The following AGBL1 variants were observed in gnomAD, a reference collection of about 807,000 sequenced individuals.
AGBL1 encodes cytosolic carboxypeptidase 4.
AGBL1 carries 130 observed loss-of-function variants against 118.9 expected under a neutral mutation model. The observed-to-expected ratio is 1.09, with a 90% confidence interval of 0.95 to 1.26. The LOEUF is 1.26. Ranked by LOEUF, AGBL1 falls within the 50% of genes most tolerant of loss-of-function variation. The pLI is 0.00. For synonymous variants in AGBL1, 555 were observed against 478.9 expected, an observed-to-expected ratio of 1.16 and a Z score of -2.08; for missense variants, 1,584 against 1,298.1, an observed-to-expected ratio of 1.22 and a Z score of -3.38.
At chr15:86,638,450 T>C (rs925852492) in intron 21 of AGBL1, among the ~76,000 whole-genome samples, 1 of 152,184 alleles carries the variant, frequency 6.6e-6, no homozygotes, top group African/African-American at 2.4e-5. Flanking sequence ...TGCCATCATA[T>C]TATCACTCTA....
At chr15:86,173,094 G>T (rs548607094) in intron 5 of AGBL1, 1 of 151,916 alleles carries the variant, frequency 6.6e-6, no homozygotes, top group Admixed American at 6.6e-5. Flanking sequence ...GTGTTTTCTT[G>T]GTGATTCGTG....
chr15:86,602,388 G>T (rs2084510392), intron 21 of AGBL1, among the ~76,000 whole-genome samples: 1 of 152,162 alleles, frequency 6.6e-6, no homozygotes, highest in African/African-American at 2.4e-5. Context: ...CTGTGATGTT[G>T]TATGCTCACC....
chr15:86,597,929 A>T (rs2084434838), intron 21 of AGBL1, among the ~76,000 whole-genome samples: 2 of 152,152 alleles, frequency 1.3e-5, no homozygotes, highest in African/African-American at 4.8e-5. Flanking sequence ...GGGAACAAAG[A>T]TAAGAAAGTT....
chr15:86,181,130 C>T (rs932911425), intron 5 of AGBL1, among the ~76,000 whole-genome samples: 2 of 151,996 alleles, frequency 1.3e-5, no homozygotes, highest in Non-Finnish European at 2.9e-5. Flanking sequence ...AAACACACAC[C>T]TATCATATTG....
intron 22 of AGBL1, among the ~76,000 whole-genome samples, chr15:86,699,767 G>A (rs544872136): frequency 6.6e-6 from 1 of 151,976 alleles, no homozygotes; most frequent in African/African-American, 2.4e-5. Context: ...TACTTTGACC[G>A]CTTGTTTAAA....
At chr15:86,859,347 T>C (rs1341087681) in intron 22 of AGBL1, among the ~76,000 whole-genome samples, 1 of 152,180 alleles carries the variant, frequency 6.6e-6, no homozygotes, top group East Asian at 1.9e-4. Flanking sequence ...TGAGCATTAG[T>C]GTGCCAGGTG....
chr15:86,747,876 C>T (rs950273409), intron 22 of AGBL1, among the ~76,000 whole-genome samples: 9 of 152,260 alleles, frequency 5.9e-5, no homozygotes, highest in East Asian at 3.9e-4. Flanking sequence ...TCCAGTCTAT[C>T]GTTGATGGAC....
intron 21 of AGBL1, among the ~76,000 whole-genome samples, chr15:86,559,538 C>G (rs1228253804): frequency 6.6e-6 from 1 of 152,172 alleles, no homozygotes; most frequent in African/African-American, 2.4e-5. Context: ...TAAGGCTGCT[C>G]CAGTATTATA....
At chr15:86,314,952 G>T (rs2079978415) in intron 17 of AGBL1, among the ~76,000 whole-genome samples, 1 of 152,286 alleles carries the variant, frequency 6.6e-6, no homozygotes, top group South Asian at 2.1e-4. Context: ...GGCTTAAACT[G>T]TCTAAGCTTC....
chr15:86,119,053 C>T (rs1016356407), intron 1 of AGBL1, among the ~76,000 whole-genome samples: 1 of 152,078 alleles, frequency 6.6e-6, no homozygotes, highest in African/African-American at 2.4e-5. Flanking sequence ...ACATTTAAAC[C>T]CACAGGGTCC....
intron 17 of AGBL1, 105 bp from the exon 18 acceptor site, chr15:86,397,261 T>C: frequency 1.2e-6 from 1 of 804,322 alleles, no homozygotes; most frequent in Non-Finnish European, 1.8e-6. Flanking sequence ...AAATGTATTT[T>C]TAATAAAAAT....
chr15:86,764,748 G>T (rs772289522), intron 22 of AGBL1, among the ~76,000 whole-genome samples: 1 of 152,028 alleles, frequency 6.6e-6, no homozygotes, highest in Non-Finnish European at 1.5e-5. Context: ...GAAACAACAT[G>T]TCCAACTTAT....
intron 23 of AGBL1, among the ~76,000 whole-genome samples, chr15:86,958,706 T>C (rs1461942941): frequency 6.6e-6 from 1 of 152,106 alleles, no homozygotes; most frequent in African/African-American, 2.4e-5. Context: ...CTTAGAAAAA[T>C]TTCACAAATG....
chr15:86,884,813 A>AAAC (rs2079947298), intron 22 of AGBL1, among the ~76,000 whole-genome samples: 1 of 151,868 alleles, frequency 6.6e-6, no homozygotes, highest in African/African-American at 2.4e-5. Context: ...CCTTGTGTCA[A>AAAC]AAACAAACAA....
At chr15:86,365,667 C>A (rs1879169830) in intron 17 of AGBL1, among the ~76,000 whole-genome samples, 1 of 147,738 alleles carries the variant, frequency 6.8e-6, no homozygotes. Flanking sequence ...TTTTCTCACT[C>A]AAACCATTGA....
intron 21 of AGBL1, among the ~76,000 whole-genome samples, chr15:86,629,991 C>G (rs1199040978): frequency 6.6e-6 from 1 of 152,196 alleles, no homozygotes; most frequent in Non-Finnish European, 1.5e-5. Flanking sequence ...AAAGCAGATG[C>G]TTATTGCAAT....
At chr15:86,089,382 AC>A (rs1344199515) in intron 1 of AGBL1, among the ~76,000 whole-genome samples, 1 of 152,154 alleles carries the variant, frequency 6.6e-6, no homozygotes, top group Non-Finnish European at 1.5e-5. Flanking sequence ...TCTGGTCCTT[AC>A]TTGATTGGGA....
chr15:86,306,929 C>A (rs981226791), intron 17 of AGBL1, among the ~76,000 whole-genome samples: 15 of 152,208 alleles, frequency 9.9e-5, no homozygotes, highest in Non-Finnish European at 2.1e-4. Context: ...ATGTTGAGCA[C>A]CTTTTCATGT....
chr15:86,296,339 A>G (rs568622074), intron 17 of AGBL1: 6 of 152,366 alleles, frequency 3.9e-5, no homozygotes, highest in African/African-American at 1.4e-4. Flanking sequence ...TCCCCAGAAG[A>G]TACTGCCTTC....
Sources: allele counts gnomAD v4.1 joint callset (sites outside exome capture counted in the v4.1 genomes callset), GRCh38; gene constraint gnomAD v4.1.1; transcripts MANE v1.5; gene names NCBI Gene and HGNC (gene_info 2026-07-23, HGNC 2026-07-21).